RNF19A: variants seen among roughly 807,000 people sequenced by gnomAD.
The protein encoded by RNF19A is E3 ubiquitin-protein ligase RNF19A.
RNF19A carries 32 observed loss-of-function variants against 75.7 expected under a neutral mutation model. The observed-to-expected ratio is 0.42, with a 90% CI of 0.32 to 0.57. RNF19A has a LOEUF of 0.57. RNF19A is among the 20% of genes least tolerant of loss of function. RNF19A has a pLI of 0.10. For missense variants in RNF19A, 782 were observed against 1,036.3 expected (o/e 0.75, Z 3.37); for synonymous variants, 335 against 345.2 (o/e 0.97, Z 0.33).
chr8:100,309,942 C>G lies in RNF19A; in HGVS notation c.-169G>C. 5 of 986,016 alleles carry G rather than the reference C, an allele frequency of 5.1e-6. No individual in the cohort carries two copies. The highest frequency in any genetic ancestry group is 6.0e-6 in the Non-Finnish European group (5 of 830,400). 61.1% of individuals were successfully genotyped at this position (986,016 alleles called of 1,614,324 possible). ...ATCTCCCAGCAGCGGCGACAGCAGC[C>G]TGAGGAAGCGCGGGGGAGGGTCCCT... On this transcript the variant is annotated 5_prime_UTR_variant, in exon 1 of 10. Transcript: ENST00000341084.
rs775235182 is a variant in RNF19A at position 100,258,789 on chromosome 8, C to T, written c.2284G>A (p.Glu762Lys). The T allele has an allele frequency of 2.0e-5, 33 of 1,614,060 alleles. No homozygotes were observed. The highest frequency in any genetic ancestry group is 2.8e-5 in the Non-Finnish European group (33 of 1,180,040). ...TRFATVNILP[E>K]VENDRLENSP... ...TTTTCCAGACGGTCATTTTCTACCT[C>T]AGGAAGAATGTTAACAGTAGCAAAG... Residue 762 changes from glutamate to lysine, a missense_variant, in exon 10 of 10, where the codon GAG becomes AAG. By Grantham distance (56) the Glu-to-Lys change is moderately conservative (BLOSUM62 1). Around this residue, in one of 7 missense-constraint regions of RNF19A, gnomAD observed 442 missense variants for 541.6 expected, o/e 0.82. Coordinates refer to ENST00000341084, the MANE Select transcript of RNF19A (RefSeq NM_183419.4). This position sits in a 1 kb window ranked among gnomAD's most constrained non-coding sequence, Gnocchi z 4.3.
Position 100,287,836 on chromosome 8 carries a change from G to C in RNF19A, c.339C>G (p.Thr113=), listed in dbSNP as rs762354816. Residue 113 remains threonine, a synonymous_variant, in exon 2 of 10, where the codon ACC becomes ACG. Transcript: ENST00000341084. The surrounding 1 kb of genome is among the most constrained non-coding windows in gnomAD (Gnocchi z 4.1). ...TGGAAGTTAATCCATTGTCAGAAGA[G>C]GTATTTGTAGAGAAAATGGAGTTCT... ...TDKNSIFSTN[T]SSDNGLTSIS... is the part of the protein sequence containing the mutation. 6.2e-7 allele frequency: 1 copy of C among 1,614,076 alleles called. No homozygotes were observed. Among genetic ancestry groups the C allele is most frequent in the Non-Finnish European group, 8.5e-7 (1 of 1,179,966 alleles).
At chr8:100,262,121 C>T (rs1419385550) in intron 7 of RNF19A, among the ~76,000 whole-genome samples, 1 of 152,202 alleles carries the variant, frequency 6.6e-6, no homozygotes, top group African/African-American at 2.4e-5. Flanking sequence ...ATATATGCCA[C>T]AGTTCTGTCT....
chr8:100,257,779 C>T lies in RNF19A; in HGVS notation c.*777G>A, dbSNP rs891381965. On this transcript the variant is annotated 3_prime_UTR_variant, in exon 10 of 10. Transcript: ENST00000341084. Reference sequence around the variant, plus strand: ...GCACCAAGAATCAATGGGGTACAAACTTCCCCTTAGAGAAAGGTGGATTTT... The same window carrying T: ...GCACCAAGAATCAATGGGGTACAAATTTCCCCTTAGAGAAAGGTGGATTTT... 2.7e-6 allele frequency: 1 copy of T among 370,030 alleles called. No homozygotes were observed. The highest frequency in any genetic ancestry group is 4.6e-5 in the Admixed American group (1 of 21,838). 22.9% of individuals were successfully genotyped at this position (370,030 alleles called of 1,614,324 possible). A position where few individuals can be genotyped will look rare whatever the true frequency, so the allele number is the denominator to read the frequency against.
At chr8:100,299,150 C>T (rs1821706837) in intron 1 of RNF19A, among the ~76,000 whole-genome samples, 1 of 152,258 alleles carries the variant, frequency 6.6e-6, no homozygotes, top group Admixed American at 6.5e-5. Context: ...CCAAGTTTAC[C>T]TATGTTTTTG....
Position 100,279,690 on chromosome 8 carries a change from AT to A in RNF19A, c.675-4530del, listed in dbSNP as rs796540852. ...AGGGGCGCATCACCATGCTTGGCTA[AT>A]TTTTTTTGTATCTTTAGTAGACACG... On this transcript the variant is annotated intron_variant, in intron 2 of 9. Coordinates refer to ENST00000341084, the MANE Select transcript of RNF19A (RefSeq NM_183419.4). 3.9e-5 allele frequency among the ~76,000 whole-genome samples: 6 copies of A among 151,966 alleles called. 1 individual carries two copies. The highest frequency in any genetic ancestry group is 1.2e-4 in the African/African-American group (5 of 41,444).
rs1361988514 is a variant in RNF19A at position 100,321,617 on chromosome 8, A to G, written c.-242-8245T>C. On this transcript the variant is annotated intron_variant, in intron 1 of 3. Transcript: ENST00000519527. ...TGACAAATAGCTTCCAGCTTGGTGC[A>G]TTTTTACAGAAAGTTTTCAATTCAC... is the stretch of plus-strand genomic sequence containing the variant. Among the ~76,000 whole-genome samples, 3 of 152,198 alleles carry G rather than the reference A, an allele frequency of 2.0e-5. No individual in the cohort carries two copies. In the East Asian group the frequency reaches 5.8e-4, roughly 29 times the overall value.
Position 100,259,290 on chromosome 8 carries a change from T to C in RNF19A, c.1827-44A>G. 1 of 1,498,242 alleles carries C rather than the reference T, an allele frequency of 6.7e-7. No individual in the cohort carries two copies. Among genetic ancestry groups the C allele is most frequent in the African/African-American group, 1.4e-5 (1 of 72,398 alleles). 92.8% of individuals were successfully genotyped at this position (1,498,242 alleles called of 1,614,324 possible). A position where few individuals can be genotyped will look rare whatever the true frequency, so the allele number is the denominator to read the frequency against. On this transcript the variant is annotated intron_variant, in intron 9 of 9. Coordinates refer to ENST00000341084, the MANE Select transcript of RNF19A (RefSeq NM_183419.4). This position sits in a 1 kb window ranked among gnomAD's most constrained non-coding sequence, Gnocchi z 4.5. ...AAATACAAACATAATTGCTGACTTC[T>C]TTTTGTTCAGATGACTGGGGGAAGG...
Position 100,258,327 on chromosome 8 carries a change from C to A in RNF19A, c.*229G>T. On this transcript the variant is annotated 3_prime_UTR_variant, in exon 10 of 10. Transcript: ENST00000341084. This position sits in a 1 kb window ranked among gnomAD's most constrained non-coding sequence, Gnocchi z 4.3. ...GCAAACACACAAAACATGCTTTGCTCTTCAAATTTATTATCCTTAAAATAA... is the reference window on the plus strand; with the variant it reads ...GCAAACACACAAAACATGCTTTGCTATTCAAATTTATTATCCTTAAAATAA... The A allele has an allele frequency of 2.2e-6, 1 of 456,050 alleles. No individual in the cohort carries two copies. The highest frequency in any genetic ancestry group is 3.8e-6 in the Non-Finnish European group (1 of 260,212). The allele number at this position is 456,050 out of a possible 1,614,324, so 28.3% of individuals were successfully genotyped here.
chr8:100,328,005 C>A (rs1822557719), intron 1 of RNF19A, among the ~76,000 whole-genome samples: 1 of 152,190 alleles, frequency 6.6e-6, no homozygotes, highest in Non-Finnish European at 1.5e-5. Context: ...AAGAGTCTCG[C>A]ATCATGATGA....
chr8:100,292,891 T>C (rs780589320), intron 1 of RNF19A, among the ~76,000 whole-genome samples: 45 of 152,236 alleles, frequency 3.0e-4, no homozygotes, highest in Non-Finnish European at 4.7e-4. Flanking sequence ...ATTTACTTTC[T>C]GGTACTTTTC....
At chr8:100,328,004 G>C (rs550172602) in intron 1 of RNF19A, among the ~76,000 whole-genome samples, 2 of 152,148 alleles carry the variant, frequency 1.3e-5, no homozygotes, top group African/African-American at 2.4e-5. Flanking sequence ...TAAGAGTCTC[G>C]CATCATGATG....
chr8:100,313,261 G>A, upstream of RNF19A: 1 of 940,604 alleles, frequency 1.1e-6, no homozygotes, highest in Non-Finnish European at 1.3e-6. Context: ...GAATAAAGAA[G>A]GAAAAATAAT....
chr8:100,262,555 G>C (rs548517891), intron 7 of RNF19A, among the ~76,000 whole-genome samples: 1 of 152,174 alleles, frequency 6.6e-6, no homozygotes. Context: ...TGAGCTCAGA[G>C]ACATAGTTGG....
At chr8:100,316,708 A>C (rs1278341924) in intron 1 of RNF19A, among the ~76,000 whole-genome samples, 1 of 152,200 alleles carries the variant, frequency 6.6e-6, no homozygotes, top group East Asian at 1.9e-4. Context: ...AGCTGGCTTC[A>C]CCTAGTGGAT....
Position 100,257,711 on chromosome 8 carries a change from A to T in RNF19A, c.*845T>A. ...AAGACATGGAAAACAACACAGCAAA[A>T]TCCTCAAATAACTAGGCCATTAAAA... On this transcript the variant is annotated 3_prime_UTR_variant, in exon 10 of 10. Transcript: ENST00000341084. The T allele has an allele frequency of 3.5e-6, 1 of 287,166 alleles. No homozygotes were observed. Among genetic ancestry groups the T allele is most frequent in the Non-Finnish European group, 6.4e-6 (1 of 156,432 alleles). The allele number at this position is 287,166 out of a possible 1,614,324, so 17.8% of individuals were successfully genotyped here.
rs1193519393 is a variant in RNF19A, at chr8:100,317,320, T to G, written c.-242-3948A>C. Among the ~76,000 whole-genome samples the G allele has an allele frequency of 6.6e-6, 1 of 152,262 alleles. No individual in the cohort carries two copies. Among genetic ancestry groups the G allele is most frequent in the Admixed American group, 6.5e-5 (1 of 15,292 alleles). ...AGGTGCCGAGAGCAAGCGAGGGCTC[T>G]GAGGACTGCCAGCACGCTGTCACCT... On this transcript the variant is annotated intron_variant, in intron 1 of 3. Transcript: ENST00000519527. The surrounding 1 kb of genome is among the most constrained non-coding windows in gnomAD (Gnocchi z 4.3).
chr8:100,316,766 C>T (rs1384788169), intron 1 of RNF19A, among the ~76,000 whole-genome samples: 5 of 152,372 alleles, frequency 3.3e-5, no homozygotes, highest in South Asian at 2.1e-4. Flanking sequence ...CCGCACCGTG[C>T]GCTCTCGCAC....
chr8:100,335,117 A>G (rs1822662337), intron 1 of RNF19A, among the ~76,000 whole-genome samples: 1 of 152,256 alleles, frequency 6.6e-6, no homozygotes, highest in Admixed American at 6.5e-5. Context: ...TACAAATAGG[A>G]AAACCTCAAC....
Sources: gnomAD v4.1 joint callset for allele counts (sites outside exome capture counted in the v4.1 genomes callset) on GRCh38, gnomAD v4.1.1 for gene constraint, gnomAD v4.1.1 regional missense constraint, Gnocchi (gnomAD v3.1) non-coding constraint, MANE v1.5 for transcripts, NCBI Gene and HGNC (gene_info 2026-07-23, HGNC 2026-07-21) for gene names.